CLUL1: variants seen among roughly 807,000 people sequenced by gnomAD.
CLUL1 encodes clusterin like 1.
Under a neutral mutation model 49.4 loss-of-function variants are expected in CLUL1, and 43 were observed. That is an observed-to-expected ratio of 0.87 (90% confidence interval 0.68 to 1.12). The LOEUF is 1.12. Among genes scored for constraint, CLUL1 ranks in the 50% most tolerant of loss-of-function variants. The pLI is 0.00. For missense variants in CLUL1, 486 were observed against 544.4 expected (o/e 0.89, Z 1.07); for synonymous variants, 192 against 184.9 (o/e 1.04, Z -0.31).
rs746358962 is a variant in CLUL1 at position 618,093 on chromosome 18, T to C, written c.93T>C (p.Ser31=). ...CTTGGAAGGACAAAACTGCTATCAGTGAAAACCTGAAGAGTACGTTTGGTT... is the reference window on the plus strand; with the variant it reads ...CTTGGAAGGACAAAACTGCTATCAGCGAAAACCTGAAGAGTACGTTTGGTT... ...APTWKDKTAI[S]ENLKSFSEVG... Residue 31 remains serine, a synonymous_variant, in exon 3 of 10, where the codon AGT becomes AGC. Coordinates refer to ENST00000692774, the MANE Select transcript of CLUL1 (RefSeq NM_001393344.1). This position sits in a 1 kb window ranked among gnomAD's most constrained non-coding sequence, Gnocchi z 4.2. 1.3e-5 allele frequency: 21 copies of C among 1,612,902 alleles called. No individual in the cohort carries two copies. The highest frequency in any genetic ancestry group is 1.7e-5 in the Non-Finnish European group (20 of 1,178,858).
At chr18:610,504 C>T (rs2073103213) in intron 2 of CLUL1, among the ~76,000 whole-genome samples, 4 of 152,076 alleles carry the variant, frequency 2.6e-5, no homozygotes, top group Non-Finnish European at 4.4e-5. Flanking sequence ...AGGGCTGTGC[C>T]GACAGAGAGA....
rs1555633335 is a variant in CLUL1 at position 626,864 on chromosome 18, T to TGA, written c.424-233_424-232insGA. 7.1e-5 allele frequency among the ~76,000 whole-genome samples: 5 copies of TGA among 70,796 alleles called. 1 individual carries two copies. The highest frequency in any genetic ancestry group is 4.6e-4 in the Admixed American group (2 of 4,364). The allele number at this position is 70,796 out of a possible 152,430, so 46.4% of individuals were successfully genotyped here. On this transcript the variant is annotated intron_variant, in intron 5 of 9. Coordinates refer to ENST00000692774, the MANE Select transcript of CLUL1 (RefSeq NM_001393344.1). ...TGACAGAGCAAGACTCCATCTCAAA[T>TGA]AAGAAAGAAAGAAAGAAAGAAAGAA... is the stretch of plus-strand genomic sequence containing the variant.
In CLUL1 at chr18:627,297, GT is replaced by G. The variant is rs747869709; in HGVS notation, c.627del (p.Phe209LeufsTer15). 8 of 1,614,046 alleles carry G rather than the reference GT, an allele frequency of 5.0e-6. No homozygotes were observed. Among genetic ancestry groups the G allele is most frequent in the African/African-American group, 1.3e-5 (1 of 75,020 alleles). On this transcript the variant is annotated frameshift_variant, in exon 6 of 10. Coordinates refer to ENST00000692774, the MANE Select transcript of CLUL1 (RefSeq NM_001393344.1). LOFTEE classifies it high-confidence loss of function. ...ACGTCTTCAGACAGATGCAGCAAGA[GT>G]TTGACCAGACTTTTCAATCACATTT... is the stretch of plus-strand genomic sequence containing the variant. ...FNVFRQMQQE[F>X]DQTFQSHFIS...
At chr18:605,877 T>C (rs138764570) in intron 1 of CLUL1, among the ~76,000 whole-genome samples, 8 of 152,208 alleles carry the variant, frequency 5.3e-5, no homozygotes, top group African/African-American at 1.7e-4. Context: ...GATTTTGCCA[T>C]GTTGCCTGAA....
Position 633,504 on chromosome 18 carries a change from G to A in CLUL1, c.994+69G>A. The stretch of plus-strand genomic sequence containing the variant: ...AGGTACATTTTGTTATAAAGTTTCG[G>A]TGCCACAAAAGAAATAGCACTCGAA... On this transcript the variant is annotated intron_variant, in intron 7 of 9. Coordinates refer to ENST00000692774, the MANE Select transcript of CLUL1 (RefSeq NM_001393344.1). 11 of 1,381,838 alleles carry A rather than the reference G, an allele frequency of 8.0e-6. No individual in the cohort carries two copies. The South Asian group carries it at 1.0e-4, about 13-fold the overall frequency. The allele number at this position is 1,381,838 out of a possible 1,614,324, so 85.6% of individuals were successfully genotyped here.
intron 7 of CLUL1, among the ~76,000 whole-genome samples, 200 bp downstream of exon 7, chr18:633,635 G>C (rs917073110): frequency 1.3e-5 from 2 of 152,178 alleles, no homozygotes; most frequent in African/African-American, 4.8e-5. Flanking sequence ...GGGAGGGGAA[G>C]GGGTTCTTAA....
In CLUL1 at chr18:638,751, C is replaced by T. The variant is rs145550822; in HGVS notation, c.995-2576C>T. ...TACGCACCTGTAGTCTCAGCTACTCCGGAGGCTGAGGCAGGAGAATCGCTT... is the reference window on the plus strand; with the variant it reads ...TACGCACCTGTAGTCTCAGCTACTCTGGAGGCTGAGGCAGGAGAATCGCTT... On this transcript the variant is annotated intron_variant, in intron 7 of 9. Coordinates refer to ENST00000692774, the MANE Select transcript of CLUL1 (RefSeq NM_001393344.1). Among the ~76,000 whole-genome samples, 33 of 151,538 alleles carry T rather than the reference C, an allele frequency of 2.2e-4. No homozygotes were observed. The East Asian group carries it at 4.5e-3, about 21-fold the overall frequency.
At chr18:601,172 T>G (rs117063073) in intron 1 of CLUL1, among the ~76,000 whole-genome samples, 1 of 152,226 alleles carries the variant, frequency 6.6e-6, no homozygotes, top group Admixed American at 6.5e-5. Context: ...TGAGCATCAC[T>G]GATTGAAATA....
At chr18:627,677 G>A in intron 6 of CLUL1, 148 bp downstream of exon 6, 1 of 608,972 alleles carries the variant, frequency 1.6e-6, no homozygotes, top group Non-Finnish European at 2.8e-6. Flanking sequence ...CCTCTTAAAA[G>A]AAGCTTTGAA....
chr18:626,904 AAAG>A lies in CLUL1; in HGVS notation c.424-190_424-188del, dbSNP rs2073758346. 5.3e-3 allele frequency among the ~76,000 whole-genome samples: 4 copies of A among 756 alleles called. 1 individual carries two copies. The highest frequency in any genetic ancestry group is 0.5 in the East Asian group (1 of 2). 0.5% of individuals were successfully genotyped at this position (756 alleles called of 152,430 possible). On this transcript the variant is annotated intron_variant, in intron 5 of 9. Coordinates refer to ENST00000692774, the MANE Select transcript of CLUL1 (RefSeq NM_001393344.1). ...GAAAGAAAGAAAGAAAGAAAGAAAG[AAAG>A]AAAGAAAGAAAGAAAGAAAGAAGGA...
chr18:630,281 G>T (rs539267822), intron 6 of CLUL1, among the ~76,000 whole-genome samples: 1 of 152,076 alleles, frequency 6.6e-6, no homozygotes, highest in Non-Finnish European at 1.5e-5. Flanking sequence ...GCTAATTTTT[G>T]TATTTTGAGT....
intron 1 of CLUL1, among the ~76,000 whole-genome samples, chr18:605,580 G>A (rs1425719690): frequency 2.6e-5 from 4 of 151,646 alleles, no homozygotes; most frequent in Non-Finnish European, 4.4e-5. Flanking sequence ...AAAAAAAAAA[G>A]AAAAAAGAAA....
chr18:628,176 A>G (rs2073867162), intron 6 of CLUL1, among the ~76,000 whole-genome samples: 1 of 152,232 alleles, frequency 6.6e-6, no homozygotes, highest in African/African-American at 2.4e-5. Context: ...CTATTCTGCT[A>G]AAGCATCAGA....
At chr18:644,794 G>A in intron 8 of CLUL1, 116 bp from the exon 9 acceptor site, 1 of 664,346 alleles carries the variant, frequency 1.5e-6, no homozygotes, top group Non-Finnish European at 2.5e-6. Context: ...AGGAATGCCA[G>A]GACTAATCTG....
At chr18:625,796 G>T (rs2073669884) in intron 5 of CLUL1, among the ~76,000 whole-genome samples, 1 of 152,150 alleles carries the variant, frequency 6.6e-6, no homozygotes, top group African/African-American at 2.4e-5. Flanking sequence ...ACTAATTAGG[G>T]TATGCTCCTG....
chr18:597,447 C>A (rs1240889706), intron 1 of CLUL1, among the ~76,000 whole-genome samples: 1 of 152,136 alleles, frequency 6.6e-6, no homozygotes, highest in Non-Finnish European at 1.5e-5. Flanking sequence ...TAAGCGGAGC[C>A]GGGTGTGGTG....
At chr18:643,585 C>T (rs2074398874) in intron 8 of CLUL1, among the ~76,000 whole-genome samples, 1 of 152,142 alleles carries the variant, frequency 6.6e-6, no homozygotes, top group South Asian at 2.1e-4. Flanking sequence ...CTTTGATTTA[C>T]TTCCATTCTA....
intron 6 of CLUL1, among the ~76,000 whole-genome samples, chr18:631,360 G>A (rs77868390): frequency 7.8e-6 from 1 of 128,154 alleles, no homozygotes; most frequent in Admixed American, 7.6e-5. Flanking sequence ...TTCTACTGTA[G>A]CTTGACCCGT....
intron 2 of CLUL1, among the ~76,000 whole-genome samples, chr18:612,271 C>A (rs1380987423): frequency 6.6e-6 from 1 of 152,160 alleles, no homozygotes; most frequent in African/African-American, 2.4e-5. Flanking sequence ...TGACTTTTTA[C>A]CCTGCCCTAC....
Sources: gnomAD v4.1 joint callset for allele counts (sites outside exome capture counted in the v4.1 genomes callset) on GRCh38, gnomAD v4.1.1 for gene constraint, Gnocchi (gnomAD v3.1) non-coding constraint, MANE v1.5 for transcripts, NCBI Gene and HGNC (gene_info 2026-07-23, HGNC 2026-07-21) for gene names.